LARGE1: variants seen among roughly 807,000 people sequenced by gnomAD.
LARGE1 encodes the protein LARGE xylosyl- and glucuronyltransferase 1.
Under a neutral mutation model 87.6 loss-of-function variants are expected in LARGE1, and 43 were observed. That is an observed-to-expected ratio of 0.49 (90% CI 0.38 to 0.63). LARGE1 has a LOEUF of 0.63. Among genes scored for constraint, LARGE1 ranks in the 30% least tolerant of loss-of-function variants. The pLI, the probability that LARGE1 is intolerant of heterozygous loss-of-function variation, is 0.00. For synonymous variants in LARGE1, 434 were observed against 394.6 expected (o/e 1.10, Z -1.18); for missense variants, 802 against 1,000.2 (o/e 0.80, Z 2.67).
At chr22:33,502,195 T>TAA (rs35022342) in intron 6 of LARGE1, among the ~76,000 whole-genome samples, 14 of 140,796 alleles carry the variant, frequency 9.9e-5, no homozygotes, top group Non-Finnish European at 1.4e-4. Flanking sequence ...GACCCCATCT[T>TAA]AAAAAAAAAA....
chr22:33,606,375 A>AG (rs1459110732), intron 4 of LARGE1, among the ~76,000 whole-genome samples: 1 of 151,968 alleles, frequency 6.6e-6, no homozygotes, highest in African/African-American at 2.4e-5. Context: ...ACTGCACTCC[A>AG]GCCTGGGTGA....
chr22:33,294,679 C>A (rs1261935570), intron 12 of LARGE1, among the ~76,000 whole-genome samples: 1 of 152,138 alleles, frequency 6.6e-6, no homozygotes, highest in East Asian at 1.9e-4. Flanking sequence ...TAGACTGTTT[C>A]GCTCACTGGT....
At chr22:33,129,633 A>G in the LARGE1 span, among the ~76,000 whole-genome samples, 1 of 152,108 alleles carries the variant, frequency 6.6e-6, no homozygotes, top group Non-Finnish European at 1.5e-5. Flanking sequence ...TGGGTAATTT[A>G]TAAAGGAAAG....
At chr22:33,254,551 T>C (rs763863006) in intron 11 of LARGE1, among the ~76,000 whole-genome samples, 1 of 152,222 alleles carries the variant, frequency 6.6e-6, no homozygotes, top group Non-Finnish European at 1.5e-5. Context: ...GCTAAGGCTA[T>C]AGACTCCAGA....
chr22:33,436,391 A>G (rs2067272826), intron 6 of LARGE1, among the ~76,000 whole-genome samples: 1 of 152,236 alleles, frequency 6.6e-6, no homozygotes, highest in African/African-American at 2.4e-5. Context: ...CCATTAGGCC[A>G]TTCTCGAACT....
intron 6 of LARGE1, among the ~76,000 whole-genome samples, chr22:33,536,723 A>G: frequency 6.6e-6 from 1 of 152,394 alleles, no homozygotes; most frequent in Non-Finnish European, 1.5e-5. Context: ...GTCAGGCATG[A>G]TGACTCCCAT....
intron 12 of LARGE1, among the ~76,000 whole-genome samples, chr22:33,296,335 A>C (rs1390662057): frequency 1.3e-5 from 2 of 152,216 alleles, no homozygotes; most frequent in Non-Finnish European, 2.9e-5. Context: ...GGACTGTATT[A>C]GCAGCTGTGC....
downstream of LARGE1, among the ~76,000 whole-genome samples, chr22:33,272,307 ATCTG>A (rs1440299610): frequency 6.6e-6 from 1 of 152,128 alleles, no homozygotes. Context: ...GTATCTGTGT[ATCTG>A]TCTGTGTGTG....
intron 9 of LARGE1, among the ~76,000 whole-genome samples, chr22:33,358,089 T>C (rs1010646873): frequency 6.6e-6 from 1 of 152,198 alleles, no homozygotes; most frequent in African/African-American, 2.4e-5. Flanking sequence ...GACAGGGTAC[T>C]TAAACAGGAG....
intron 11 of LARGE1, among the ~76,000 whole-genome samples, chr22:33,169,827 G>A (rs957646345): frequency 3.4e-4 from 51 of 151,944 alleles, no homozygotes; most frequent in African/African-American, 1.1e-3. Context: ...CTCCAGCCTG[G>A]GTGATAGAGC....
rs2079837550 is a variant in LARGE1 at position 33,623,932 on chromosome 22, T to C, written c.491+2312A>G. On this transcript the variant is annotated intron_variant, in intron 4 of 14. Coordinates refer to ENST00000397394, the MANE Select transcript of LARGE1 (RefSeq NM_133642.5). Reference sequence around the variant, plus strand: ...GTAATCCAAGCTACTTGGGCAGCTGTGGCAGGAGAATCGCTGGAATCCAGG... The same window carrying C: ...GTAATCCAAGCTACTTGGGCAGCTGCGGCAGGAGAATCGCTGGAATCCAGG... Among the ~76,000 whole-genome samples, 5 of 151,784 alleles carry C rather than the reference T, an allele frequency of 3.3e-5. No homozygotes were observed. The South Asian group carries it at 1.0e-3, about 31-fold the overall frequency.
At chr22:33,697,034 C>G (rs1393620842) in intron 2 of LARGE1, among the ~76,000 whole-genome samples, 1 of 152,056 alleles carries the variant, frequency 6.6e-6, no homozygotes, top group African/African-American at 2.4e-5. Flanking sequence ...ACATCTTGGA[C>G]TCTGTTGTGA....
rs545743495 is a variant in LARGE1 at position 33,339,666 on chromosome 22, T to C, written c.1132-1865A>G. 5.9e-5 allele frequency among the ~76,000 whole-genome samples: 9 copies of C among 151,510 alleles called. No individual in the cohort carries two copies. In the East Asian group the frequency reaches 1.7e-3, roughly 29 times the overall value. On this transcript the variant is annotated intron_variant, in intron 9 of 14. Transcript: ENST00000397394. ...ACAAGATATGCACAAGAAAAAAAAATCTGGGAAAAGCAATAAAATATTTAT... is the reference window on the plus strand; with the variant it reads ...ACAAGATATGCACAAGAAAAAAAAACCTGGGAAAAGCAATAAAATATTTAT...
chr22:33,721,229 G>A (rs1460227272), intron 2 of LARGE1, among the ~76,000 whole-genome samples: 1 of 152,190 alleles, frequency 6.6e-6, no homozygotes, highest in African/African-American at 2.4e-5. Flanking sequence ...AGACTTGCTA[G>A]TTCTACCCTG....
chr22:33,216,220 T>C (rs1285199561), intron 11 of LARGE1, among the ~76,000 whole-genome samples: 1 of 152,250 alleles, frequency 6.6e-6, no homozygotes, highest in Admixed American at 6.5e-5. Flanking sequence ...CCTGCACTAA[T>C]AATACCACAT....
intron 6 of LARGE1, among the ~76,000 whole-genome samples, chr22:33,474,249 C>T (rs761401367): frequency 7.2e-5 from 11 of 152,094 alleles, no homozygotes; most frequent in Non-Finnish European, 1.5e-4. Context: ...CTGCAACCTC[C>T]GCCTCCCAGG....
intron 11 of LARGE1, among the ~76,000 whole-genome samples, chr22:33,225,546 T>C (rs1289792648): frequency 6.6e-6 from 1 of 152,196 alleles, no homozygotes; most frequent in East Asian, 1.9e-4. Context: ...TTTTTCTTTT[T>C]ATTTCTTTAT....
At chr22:33,446,480 C>T (rs1409987303) in intron 6 of LARGE1, among the ~76,000 whole-genome samples, 1 of 152,172 alleles carries the variant, frequency 6.6e-6, no homozygotes, top group Admixed American at 6.5e-5. Context: ...CCCGTGCAGC[C>T]TGACACTAAT....
At chr22:33,304,991 G>A (rs1934677052) in intron 11 of LARGE1, among the ~76,000 whole-genome samples, 1 of 152,160 alleles carries the variant, frequency 6.6e-6, no homozygotes, top group African/African-American at 2.4e-5. Flanking sequence ...CAGATGTGCT[G>A]CAGTGTGCCA....
Sources: gnomAD v4.1 joint callset for allele counts (sites outside exome capture counted in the v4.1 genomes callset) on GRCh38, gnomAD v4.1.1 for gene constraint, MANE v1.5 for transcripts, NCBI Gene and HGNC (gene_info 2026-07-23, HGNC 2026-07-21) for gene names.